Variants in ROBO1 observed in about 807,000 individuals in gnomAD.
The protein encoded by ROBO1 is roundabout guidance receptor 1.
In ROBO1, 149 loss-of-function variants were observed where a neutral mutation model predicts 195.9. That is an observed-to-expected ratio of 0.76 (90% CI 0.67 to 0.87). The LOEUF (loss-of-function observed/expected upper bound fraction) is 0.87. ROBO1 is among the 40% of genes least tolerant of loss of function. The pLI is 0.00. For missense variants in ROBO1, 1,933 were observed against 2,068.3 expected (o/e 0.93, Z 1.27); for synonymous variants, 816 against 733.2 (o/e 1.11, Z -1.82).
chr3:79,205,630 C>T (rs1300530217), intron 2 of ROBO1, among the ~76,000 whole-genome samples: 1 of 152,110 alleles, frequency 6.6e-6, no homozygotes, highest in Non-Finnish European at 1.5e-5. Context: ...TTGCAGGGCA[C>T]TACCTGCTCA....
chr3:79,178,649 T>G (rs550248880), intron 2 of ROBO1, among the ~76,000 whole-genome samples: 1 of 152,266 alleles, frequency 6.6e-6, no homozygotes, highest in South Asian at 2.1e-4. Flanking sequence ...TCAAAAGGCA[T>G]TTGGCGCCAA....
chr3:79,476,761 G>A (rs1938565458), intron 2 of ROBO1, among the ~76,000 whole-genome samples: 1 of 152,032 alleles, frequency 6.6e-6, no homozygotes, highest in Admixed American at 6.6e-5. Flanking sequence ...AGAATTCAGG[G>A]GAAAGGGTGG....
At chr3:78,945,863 G>A (rs147970258) in intron 3 of ROBO1, among the ~76,000 whole-genome samples, 11 of 152,188 alleles carry the variant, frequency 7.2e-5, no homozygotes, top group East Asian at 5.8e-4. Context: ...CGAGAGCTAC[G>A]TGACAACTGT....
intron 2 of ROBO1, among the ~76,000 whole-genome samples, chr3:79,560,558 T>TACATAC (rs1942879620): frequency 7.7e-6 from 1 of 129,702 alleles, no homozygotes. Context: ...TATATATATA[T>TACATAC]ACACATACAC....
At chr3:79,709,676 T>A (rs1702198017) in intron 1 of ROBO1, among the ~76,000 whole-genome samples, 1 of 152,046 alleles carries the variant, frequency 6.6e-6, no homozygotes, top group Non-Finnish European at 1.5e-5. Context: ...AAAACGCTTT[T>A]GTTATGCTCT....
rs185630573 is a variant in ROBO1, at chr3:79,030,589, T to C, written c.173-91662A>G. 2.0e-5 allele frequency among the ~76,000 whole-genome samples: 3 copies of C among 152,370 alleles called. No homozygotes were observed. In the East Asian group the frequency reaches 5.8e-4, roughly 29 times the overall value. On this transcript the variant is annotated intron_variant, in intron 3 of 30. Coordinates refer to ENST00000464233, the MANE Select transcript of ROBO1 (RefSeq NM_002941.4). ...ATGGGAGAGTACTGTAAATATTTAT[T>C]ATAAAATTCTATACAAACATCTTCA...
chr3:78,851,284 A>T (rs768777518), intron 4 of ROBO1, among the ~76,000 whole-genome samples: 1 of 152,208 alleles, frequency 6.6e-6, no homozygotes, highest in Non-Finnish European at 1.5e-5. Context: ...AAAGGATAAC[A>T]TGTTTTATTA....
At chr3:79,751,027 G>A (rs1349809552) in intron 1 of ROBO1, among the ~76,000 whole-genome samples, 2 of 152,120 alleles carry the variant, frequency 1.3e-5, no homozygotes, top group East Asian at 1.9e-4. Context: ...ATGTAGATTT[G>A]TAGTCTAACT....
intron 2 of ROBO1, among the ~76,000 whole-genome samples, chr3:79,152,389 T>C (rs892833294): frequency 1.3e-5 from 2 of 151,458 alleles, no homozygotes; most frequent in African/African-American, 4.8e-5. Context: ...GGAGGTAGAG[T>C]GTGGGGACAG....
chr3:78,948,411 A>G (rs1370342005), intron 3 of ROBO1, among the ~76,000 whole-genome samples: 1 of 152,166 alleles, frequency 6.6e-6, no homozygotes, highest in Non-Finnish European at 1.5e-5. Flanking sequence ...CAAAGACAAA[A>G]ACCACATGAC....
Position 78,943,784 on chromosome 3 carries a change from T to C in ROBO1, c.173-4857A>G, listed in dbSNP as rs541890093. Among the ~76,000 whole-genome samples the C allele has an allele frequency of 2.4e-4, 36 of 152,276 alleles. No individual in the cohort carries two copies. The South Asian group carries it at 7.3e-3, about 31-fold the overall frequency. The stretch of plus-strand genomic sequence containing the variant: ...CATTTAATAATTTGAGGAGAATGAA[T>C]AGGATCAGCAAAAAACCTATTACTT... On this transcript the variant is annotated intron_variant, in intron 3 of 30. Coordinates refer to ENST00000464233, the MANE Select transcript of ROBO1 (RefSeq NM_002941.4).
intron 3 of ROBO1, among the ~76,000 whole-genome samples, chr3:79,118,801 G>A (rs1412642026): frequency 7.3e-5 from 11 of 149,722 alleles, no homozygotes; most frequent in African/African-American, 2.7e-4. Context: ...GGAGGTGGAG[G>A]TTGCATTGAG....
At chr3:79,041,445 A>T (rs2078485821) in intron 3 of ROBO1, among the ~76,000 whole-genome samples, 2 of 152,154 alleles carry the variant, frequency 1.3e-5, no homozygotes, top group East Asian at 1.9e-4. Flanking sequence ...GTGGCATCTA[A>T]AAGCAATTAT....
chr3:79,634,566 A>G lies in ROBO1; in HGVS notation c.-50-44605T>C, dbSNP rs546550402. Among the ~76,000 whole-genome samples, 80 of 152,310 alleles carry G rather than the reference A, an allele frequency of 5.3e-4. No homozygotes were observed. In the South Asian group the frequency reaches 0.016, roughly 30 times the overall value. ...AAAGAATTAATATCTCATTTTAATAATCTCTTCATGATTTTATATCCTGTA... is the reference window on the plus strand; with the variant it reads ...AAAGAATTAATATCTCATTTTAATAGTCTCTTCATGATTTTATATCCTGTA... On this transcript the variant is annotated intron_variant, in intron 1 of 30. Coordinates refer to ENST00000464233, the MANE Select transcript of ROBO1 (RefSeq NM_002941.4).
intron 2 of ROBO1, among the ~76,000 whole-genome samples, chr3:79,435,521 A>C (rs761240569): frequency 3.3e-5 from 5 of 152,246 alleles, no homozygotes; most frequent in South Asian, 2.1e-4. Flanking sequence ...CTTCTCTCTT[A>C]AGTAGATAAT....
chr3:79,379,730 T>G (rs1167106607), intron 2 of ROBO1, among the ~76,000 whole-genome samples: 2 of 152,196 alleles, frequency 1.3e-5, no homozygotes, highest in Non-Finnish European at 2.9e-5. Flanking sequence ...CCATAGAAAT[T>G]AATGCCATTT....
At chr3:79,247,818 A>G (rs1559763100) in intron 2 of ROBO1, among the ~76,000 whole-genome samples, 3 of 152,160 alleles carry the variant, frequency 2.0e-5, no homozygotes, top group Admixed American at 1.3e-4. Flanking sequence ...ACAAGCAGAC[A>G]CAGTAATGAG....
At chr3:79,510,115 G>C (rs906241764) in intron 2 of ROBO1, among the ~76,000 whole-genome samples, 1 of 152,038 alleles carries the variant, frequency 6.6e-6, no homozygotes, top group African/African-American at 2.4e-5. Context: ...GCATTAAGAT[G>C]ATATGACATG....
intron 4 of ROBO1, among the ~76,000 whole-genome samples, chr3:78,819,254 A>T (rs1305301497): frequency 2.0e-5 from 3 of 151,574 alleles, no homozygotes; most frequent in Non-Finnish European, 4.4e-5. Flanking sequence ...TTTTAATGTC[A>T]AATTTAGTGC....
Sources: gnomAD v4.1 joint callset for allele counts (sites outside exome capture counted in the v4.1 genomes callset) on GRCh38, gnomAD v4.1.1 for gene constraint, MANE v1.5 for transcripts, NCBI Gene and HGNC (gene_info 2026-07-23, HGNC 2026-07-21) for gene names.